SDK2: variants seen among roughly 807,000 people sequenced by gnomAD.
The protein encoded by SDK2 is sidekick cell adhesion molecule 2.
SDK2 carries 105 observed loss-of-function variants against 253.9 expected under a neutral mutation model. The observed-to-expected ratio is 0.41, with a 90% CI of 0.35 to 0.49. The LOEUF (loss-of-function observed/expected upper bound fraction) is 0.49. Among genes scored for constraint, SDK2 ranks in the 20% least tolerant of loss-of-function variants. The pLI is 0.06. For missense variants in SDK2, 2,608 were observed against 3,003.0 expected (o/e 0.87, Z 3.07); for synonymous variants, 1,249 against 1,234.9 (o/e 1.01, Z -0.24).
intron 1 of SDK2, among the ~76,000 whole-genome samples, chr17:73,526,016 G>A (rs116362931): frequency 1.2e-3 from 180 of 152,340 alleles, no homozygotes; most frequent in African/African-American, 3.5e-3. Flanking sequence ...GGACAAGTGC[G>A]CGACAGAGTG....
chr17:73,416,494 C>T (rs1424541416), intron 16 of SDK2, among the ~76,000 whole-genome samples: 1 of 151,430 alleles, frequency 6.6e-6, no homozygotes, highest in Non-Finnish European at 1.5e-5. Flanking sequence ...AGCCACTATA[C>T]CTGGCCTGAA....
At chr17:73,626,950 T>C (rs569568863) in intron 1 of SDK2, among the ~76,000 whole-genome samples, 2 of 152,282 alleles carry the variant, frequency 1.3e-5, no homozygotes, top group African/African-American at 4.8e-5. Context: ...CATCTTGGCC[T>C]GCGCAGGGGG....
chr17:73,436,588 A>AAG (rs571962367), intron 8 of SDK2, among the ~76,000 whole-genome samples: 1 of 141,934 alleles, frequency 7.0e-6, no homozygotes. Context: ...AAAAAAAAAA[A>AAG]AAAAAAAAAA....
At position 73,542,713 on chromosome 17, in the gene SDK2, C is replaced by T. The variant is rs1220881419; in HGVS notation, c.65-35116G>A. Among the ~76,000 whole-genome samples, 3 of 152,168 alleles carry T rather than the reference C, an allele frequency of 2.0e-5. No homozygotes were observed. The East Asian group carries it at 5.8e-4, about 29-fold the overall frequency. ...GGAGGGGTCTTGGGATTCGGGGCCT[C>T]TAGCAGGGCCAGGCTGGGAACCGAG... On this transcript the variant is annotated intron_variant, in intron 1 of 44. Transcript: ENST00000392650.
intron 40 of SDK2, among the ~76,000 whole-genome samples, chr17:73,355,389 C>T (rs1048609001): frequency 2.6e-5 from 4 of 151,248 alleles, no homozygotes; most frequent in South Asian, 2.1e-4. Context: ...CTCTGTCACC[C>T]AGGCTGGAGT....
chr17:73,353,971 G>C (rs2062562870), intron 40 of SDK2, among the ~76,000 whole-genome samples: 1 of 152,014 alleles, frequency 6.6e-6, no homozygotes, highest in African/African-American at 2.4e-5. Context: ...TCCCAAAGAG[G>C]ATTACACGTG....
At chr17:73,636,010 A>G (rs1035704633) in intron 1 of SDK2, among the ~76,000 whole-genome samples, 14 of 152,140 alleles carry the variant, frequency 9.2e-5, no homozygotes, top group African/African-American at 3.4e-4. Flanking sequence ...GCCTCTTTCC[A>G]AACTCTACAC....
At chr17:73,598,066 G>A (rs753700400) in intron 1 of SDK2, among the ~76,000 whole-genome samples, 5 of 152,076 alleles carry the variant, frequency 3.3e-5, no homozygotes, top group African/African-American at 7.2e-5. Flanking sequence ...GCTGGTGTCC[G>A]AGTTGTTCTC....
At chr17:73,388,182 T>G in intron 29 of SDK2, 145 bp from the exon 30 acceptor site, 2 of 644,168 alleles carry the variant, frequency 3.1e-6, no homozygotes, top group Non-Finnish European at 5.5e-6. Context: ...GCAGGATCCT[T>G]GCAGGTTCTC....
At chr17:73,359,163 G>T (rs1170022630) in intron 39 of SDK2, among the ~76,000 whole-genome samples, 1 of 152,054 alleles carries the variant, frequency 6.6e-6, no homozygotes, top group Non-Finnish European at 1.5e-5. Flanking sequence ...GGGAACCAGT[G>T]CATGAGTGGG....
At chr17:73,587,658 T>C (rs531496989) in intron 1 of SDK2, among the ~76,000 whole-genome samples, 8 of 152,308 alleles carry the variant, frequency 5.3e-5, no homozygotes, top group Non-Finnish European at 2.9e-5. Context: ...CTCCTGACTC[T>C]TCCAGCCCCG....
intron 1 of SDK2, among the ~76,000 whole-genome samples, chr17:73,607,176 A>G (rs1199142940): frequency 6.6e-6 from 1 of 152,228 alleles, no homozygotes; most frequent in African/African-American, 2.4e-5. Context: ...CAAGTGGTCA[A>G]GAGGACTTCA....
rs2044777483 is a variant in SDK2 at position 73,536,575 on chromosome 17, CCACA to C, written c.65-28982_65-28979del. On this transcript the variant is annotated intron_variant, in intron 1 of 44. Coordinates refer to ENST00000392650, the MANE Select transcript of SDK2 (RefSeq NM_001144952.2). ...GCAAGGGGAGAGCTGACCAGGGGGG[CCACA>C]CAGAGACAGCTGGGGCTGCTGGCTA... Among the ~76,000 whole-genome samples the C allele has an allele frequency of 2.6e-5, 4 of 152,304 alleles. No homozygotes were observed. In the South Asian group the frequency reaches 8.3e-4, roughly 32 times the overall value.
rs762608031 is a variant in SDK2 at position 73,435,432 on chromosome 17, A to C, written c.1195+18T>G. On this transcript the variant is annotated intron_variant, in intron 9 of 44. Transcript: ENST00000392650. The surrounding 1 kb of genome is among the most constrained non-coding windows in gnomAD (Gnocchi z 5.7). ...GGAAGAGGGGCTCACGGGCAGCACA[A>C]GGGAAGGCCCAACTTACTGGTGACA... 2 of 1,575,336 alleles carry C rather than the reference A, an allele frequency of 1.3e-6. No individual in the cohort carries two copies. Among genetic ancestry groups the C allele is most frequent in the Non-Finnish European group, 1.7e-6 (2 of 1,158,996 alleles).
chr17:73,500,100 CG>C (rs2063875128), intron 2 of SDK2, among the ~76,000 whole-genome samples: 4 of 147,028 alleles, frequency 2.7e-5, no homozygotes, highest in East Asian at 2.1e-4. Flanking sequence ...CTCCATCCTC[CG>C]TCCATCCTCC....
intron 38 of SDK2, among the ~76,000 whole-genome samples, 154 bp downstream of exon 38, chr17:73,365,104 A>C (rs1566285): frequency 0.75 from 113,765 of 152,044 alleles, 42,862 homozygotes; most frequent in East Asian, 0.98. Context: ...TTGGAAATGC[A>C]CTTTCCCTTG....
In SDK2 at chr17:73,455,744, GA is replaced by G. The variant is rs984915409; in HGVS notation, c.479+161del. Among the ~76,000 whole-genome samples the G allele has an allele frequency of 1.0e-3, 159 of 152,316 alleles. 1 individual carries two copies. Among genetic ancestry groups the G allele is most frequent in the African/African-American group, 3.8e-3 (156 of 41,576 alleles). Reference sequence around the variant, plus strand: ...CCAAGTCCTTGCCTGTGCATCCTAAGAAAGCCCCTGGGAGGTCCCCTACCTG... The same window carrying G: ...CCAAGTCCTTGCCTGTGCATCCTAAGAAGCCCCTGGGAGGTCCCCTACCTG... On this transcript the variant is annotated intron_variant, in intron 4 of 44. Coordinates refer to ENST00000392650, the MANE Select transcript of SDK2 (RefSeq NM_001144952.2). The surrounding 1 kb of genome is among the most constrained non-coding windows in gnomAD (Gnocchi z 5.0).
chr17:73,430,480 T>C (rs759810908), intron 12 of SDK2, 31 bp downstream of exon 12: 1 of 1,536,312 alleles, frequency 6.5e-7, no homozygotes. Context: ...CCCCCTCCCC[T>C]CTTGCCTGGA....
At chr17:73,553,225 G>T (rs2045091086) in intron 1 of SDK2, among the ~76,000 whole-genome samples, 1 of 110,742 alleles carries the variant, frequency 9.0e-6, no homozygotes, top group Non-Finnish European at 1.8e-5. Context: ...GCAGAGATGG[G>T]GCAGGACAGG....
Sources: allele counts gnomAD v4.1 joint callset (sites outside exome capture counted in the v4.1 genomes callset), GRCh38; gene constraint gnomAD v4.1.1; non-coding constraint Gnocchi (gnomAD v3.1); transcripts MANE v1.5; gene names NCBI Gene and HGNC (gene_info 2026-07-23, HGNC 2026-07-21).